Variants in AGPAT3 observed in about 807,000 individuals in gnomAD.
AGPAT3 encodes 1-acylglycerol-3-phosphate O-acyltransferase 3, also known as 1-acyl-sn-glycerol-3-phosphate acyltransferase gamma.
A neutral mutation model predicts 47.3 loss-of-function variants in AGPAT3; 5 were observed. The ratio of observed to expected loss-of-function variants is 0.11; its 90% CI spans 0.06 to 0.22. The LOEUF is 0.22. Ranked by LOEUF, AGPAT3 falls within the 10% of genes least tolerant of loss-of-function variation. The probability of loss-of-function intolerance (pLI) is 1.00; values close to 1 mark genes in which losing one functional copy is unlikely to be tolerated. For synonymous variants in AGPAT3, 212 were observed against 208.3 expected (o/e 1.02, Z -0.15); for missense variants, 315 against 493.0 (o/e 0.64, Z 3.42).
intron 2 of AGPAT3, among the ~76,000 whole-genome samples, chr21:43,909,499 T>G (rs966864254): frequency 2.0e-5 from 3 of 152,130 alleles, no homozygotes; most frequent in African/African-American, 7.2e-5. Flanking sequence ...GGTTTCACCG[T>G]GTTAGCCAGG....
intron 2 of AGPAT3, among the ~76,000 whole-genome samples, chr21:43,909,611 G>A (rs2086586218): frequency 6.6e-6 from 1 of 152,170 alleles, no homozygotes; most frequent in Non-Finnish European, 1.5e-5. Context: ...ATACACATTT[G>A]AAGAGGACTT....
At position 43,970,252 on chromosome 21, in the gene AGPAT3, C is replaced by G. The variant is rs188673778; in HGVS notation, c.511-401C>G. 3.4e-4 allele frequency among the ~76,000 whole-genome samples: 52 copies of G among 152,144 alleles called. No individual in the cohort carries two copies. The highest frequency in any genetic ancestry group is 6.5e-4 in the Non-Finnish European group (44 of 68,036). ...TGAACTCCTGACCTCATGATCCACC[C>G]GCCTCGGCCTCCTAAAGTGCTGGGA... On this transcript the variant is annotated intron_variant, in intron 5 of 9. Transcript: ENST00000291572. The surrounding 1 kb of genome is among the most constrained non-coding windows in gnomAD (Gnocchi z 5.8).
chr21:43,873,936 G>T (rs2085678605), intron 1 of AGPAT3, among the ~76,000 whole-genome samples: 1 of 152,030 alleles, frequency 6.6e-6, no homozygotes. Context: ...CACTCTTTGG[G>T]TTTATTCTGG....
intron 3 of AGPAT3, chr21:43,965,952 G>A (rs2089103729): frequency 1.3e-5 from 2 of 152,238 alleles, no homozygotes; most frequent in Admixed American, 1.3e-4. Context: ...TGAAAAATAG[G>A]CTATGGCTGG....
intron 7 of AGPAT3, among the ~76,000 whole-genome samples, chr21:43,974,367 G>A (rs2089520043): frequency 6.6e-6 from 1 of 151,872 alleles, no homozygotes; most frequent in African/African-American, 2.4e-5. Context: ...TGTGTATGGT[G>A]TGTGTGATGT....
At chr21:43,961,497 C>T (rs1433270742) in intron 3 of AGPAT3, among the ~76,000 whole-genome samples, 4 of 124,722 alleles carry the variant, frequency 3.2e-5, no homozygotes, top group African/African-American at 1.2e-4. Flanking sequence ...AAACAGTGAA[C>T]GCGTAGACAC....
At chr21:43,886,012 C>T (rs776842794) in intron 1 of AGPAT3, among the ~76,000 whole-genome samples, 8 of 152,204 alleles carry the variant, frequency 5.3e-5, no homozygotes, top group South Asian at 2.1e-4. Flanking sequence ...TTTGCAAAGC[C>T]GGGGCAGCGA....
chr21:43,969,228 C>T lies in AGPAT3; in HGVS notation c.459C>T (p.Asp153=). ...AGCGGAAGTGGGAGGAGGACCGGGA[C>T]ACCGTGGTCGAAGGGCTGAGGCGCC... The part of the protein sequence containing the change: ...FCKRKWEEDR[D]TVVEGLRRLS... The change falls in exon 5 of 10, where the codon GAC becomes GAT. Residue 153 remains aspartate (D), a synonymous_variant. Transcript: ENST00000291572. 1 of 1,614,224 alleles carries T rather than the reference C, an allele frequency of 6.2e-7. No individual in the cohort carries two copies. Among genetic ancestry groups the T allele is most frequent in the Non-Finnish European group, 8.5e-7 (1 of 1,180,034 alleles).
rs973969034 is a variant in AGPAT3, at chr21:43,974,573, GTA to G, written c.767+3088_767+3089del. On this transcript the variant is annotated intron_variant, in intron 7 of 9. Transcript: ENST00000291572. ...TGTGTGTGGTGTGTGTGTAGTGTGT[GTA>G]TATAAATCGTGAGGGTGGTGTGTGT... Among the ~76,000 whole-genome samples the G allele has an allele frequency of 2.4e-4, 36 of 150,754 alleles. 1 individual carries two copies. Among genetic ancestry groups the G allele is most frequent in the Middle Eastern group, 6.9e-3 (2 of 288 alleles).
rs755634515 is a variant in AGPAT3 at position 43,978,069 on chromosome 21, C to T, written c.791C>T (p.Pro264Leu). The T allele has an allele frequency of 2.8e-5, 45 of 1,613,380 alleles. No individual in the cohort carries two copies. Among genetic ancestry groups the T allele is most frequent in the Non-Finnish European group, 3.6e-5 (43 of 1,179,804 alleles). ...AGGAGATTTCCTCTGGAAGACATCC[C>T]GCTGGATGAAAAGGAAGCAGCTCAG... ...CVRRFPLEDI[P>L]LDEKEAAQWL... is the part of the protein sequence containing the mutation. The change falls in exon 8 of 10, where the codon CCG becomes CTG. Residue 264 changes from proline (P) to leucine (L), a missense_variant. Transcript: ENST00000291572.
intron 2 of AGPAT3, among the ~76,000 whole-genome samples, chr21:43,913,749 A>T (rs1385726435): frequency 2.6e-5 from 4 of 152,170 alleles, no homozygotes; most frequent in African/African-American, 9.7e-5. Context: ...CATCAAATGC[A>T]CAGAGACCAG....
intron 1 of AGPAT3, among the ~76,000 whole-genome samples, chr21:43,875,292 C>T (rs1211108174): frequency 2.0e-5 from 3 of 152,160 alleles, no homozygotes; most frequent in African/African-American, 4.8e-5. Context: ...AATACAATGC[C>T]TATATATAAC....
At chr21:43,875,169 A>C (rs2085707228) in intron 1 of AGPAT3, among the ~76,000 whole-genome samples, 1 of 152,060 alleles carries the variant, frequency 6.6e-6, no homozygotes. Context: ...TTTAGTAGAG[A>C]AGGGGTTTCA....
intron 2 of AGPAT3, among the ~76,000 whole-genome samples, chr21:43,940,756 C>T (rs1429992886): frequency 1.3e-5 from 2 of 152,206 alleles, no homozygotes; most frequent in African/African-American, 4.8e-5. Flanking sequence ...ATCAAAGTGG[C>T]GCTGCTCTGT....
At chr21:43,918,221 G>GGTTGTGGGTGTTGTGGGTGTTGCGGCA (rs2086800679) in intron 2 of AGPAT3, among the ~76,000 whole-genome samples, 1 of 151,072 alleles carries the variant, frequency 6.6e-6, no homozygotes, top group African/African-American at 2.4e-5. Context: ...GTGTTGCGGC[G>GGTTGTGGGTGTTGTGGGTGTTGCGGCA]GTTGTGGGTG....
chr21:43,962,196 G>T (rs920238201), intron 3 of AGPAT3, among the ~76,000 whole-genome samples: 1 of 151,954 alleles, frequency 6.6e-6, no homozygotes, highest in Non-Finnish European at 1.5e-5. Context: ...TAGAGACGGG[G>T]TTTCACTGTG....
At chr21:43,979,135 C>T (rs957304200) in intron 8 of AGPAT3, among the ~76,000 whole-genome samples, 3 of 151,878 alleles carry the variant, frequency 2.0e-5, no homozygotes, top group African/African-American at 4.8e-5. Flanking sequence ...CCCGTCTCTA[C>T]TAAAAATACA....
rs2087294331 is a variant in AGPAT3 at position 43,932,708 on chromosome 21, T to C, written c.-48-26926T>C. On this transcript the variant is annotated intron_variant, in intron 2 of 9. Transcript: ENST00000291572. This position sits in a 1 kb window ranked among gnomAD's most constrained non-coding sequence, Gnocchi z 5.2. Reference sequence around the variant, plus strand: ...CTCTGTCGCCCAGGCTGGAGTGCGATGGCACGGTCTCGGCTCACTGCAAGC... The same window carrying C: ...CTCTGTCGCCCAGGCTGGAGTGCGACGGCACGGTCTCGGCTCACTGCAAGC... Among the ~76,000 whole-genome samples the C allele has an allele frequency of 6.6e-6, 1 of 152,260 alleles. No homozygotes were observed. The highest frequency in any genetic ancestry group is 1.5e-5 in the Non-Finnish European group (1 of 68,046).
chr21:43,902,039 C>T (rs1359852327), intron 1 of AGPAT3, among the ~76,000 whole-genome samples: 1 of 152,132 alleles, frequency 6.6e-6, no homozygotes, highest in Admixed American at 6.6e-5. Flanking sequence ...TTTTCCAGAT[C>T]TGATGAAACT....
Sources: gnomAD v4.1 joint callset for allele counts (sites outside exome capture counted in the v4.1 genomes callset) on GRCh38, gnomAD v4.1.1 for gene constraint, Gnocchi (gnomAD v3.1) non-coding constraint, MANE v1.5 for transcripts, NCBI Gene and HGNC (gene_info 2026-07-23, HGNC 2026-07-21) for gene names.